THOC2: variants seen among roughly 807,000 people sequenced by gnomAD.
THOC2 encodes THO complex 2.
Under a neutral mutation model 128.4 loss-of-function variants are expected in THOC2, and 10 were observed. That is an observed-to-expected ratio of 0.08 (90% CI 0.05 to 0.13). The LOEUF (loss-of-function observed/expected upper bound fraction) is 0.13. THOC2 is among the 10% of genes least tolerant of loss of function. The pLI is 1.00. For missense variants in THOC2, 535 were observed against 1,155.7 expected, an observed-to-expected ratio of 0.46 and a Z score of 7.79; for synonymous variants, 393 against 396.9, an observed-to-expected ratio of 0.99 and a Z score of 0.12.
intron 20 of THOC2, among the ~76,000 whole-genome samples, chrX:123,633,700 G>A (rs2047568785): frequency 8.9e-6 from 1 of 111,800 alleles, no homozygotes; most frequent in Non-Finnish European, 1.9e-5. Context: ...CACCACGCCC[G>A]GCCTTATTTG....
chrX:123,684,037 T>C (rs1406060033), intron 8 of THOC2, among the ~76,000 whole-genome samples: 2 of 110,396 alleles, frequency 1.8e-5, no homozygotes, highest in African/African-American at 6.6e-5. Flanking sequence ...AAATGGTCGT[T>C]GTCTACAAAA....
chrX:123,667,069 T>C (rs982355252), intron 11 of THOC2, 37 bp downstream of exon 11: 1 of 1,022,301 alleles, frequency 9.8e-7, no homozygotes, highest in Non-Finnish European at 1.3e-6. Context: ...CTAAGCTATT[T>C]CTACCTCAAT....
chrX:123,718,716 G>A (rs907864394), intron 1 of THOC2, among the ~76,000 whole-genome samples: 3 of 108,886 alleles, frequency 2.8e-5, no homozygotes, highest in East Asian at 5.8e-4. Flanking sequence ...CCAAGATCGC[G>A]GCACTGCACT....
intron 12 of THOC2, among the ~76,000 whole-genome samples, chrX:123,651,033 T>G (rs1387996456): frequency 9.0e-6 from 1 of 111,686 alleles, no homozygotes; most frequent in Non-Finnish European, 1.9e-5. Context: ...TCACACTTAT[T>G]CTAAAATTGA....
At chrX:123,624,785 A>G in intron 25 of THOC2, 116 bp from the exon 26 acceptor site, 2 of 665,896 alleles carry the variant, frequency 3.0e-6, no homozygotes, top group Non-Finnish European at 4.3e-6. Context: ...GTCAAAATGT[A>G]TATTCCCTTT....
Position 123,626,082 on chromosome X carries a change from G to A in THOC2, c.2900-13C>T, listed in dbSNP as rs1262409836. The A allele has an allele frequency of 4.3e-6, 5 of 1,156,163 alleles. No homozygotes were observed. Among genetic ancestry groups the A allele is most frequent in the Non-Finnish European group, 5.9e-6 (5 of 850,653 alleles). On this transcript the variant is annotated splice_polypyrimidine_tract_variant and intron_variant, in intron 24 of 38. Coordinates refer to ENST00000245838, the MANE Select transcript of THOC2 (RefSeq NM_001081550.2). Reference sequence around the variant, plus strand: ...TTTTTGGTAGATTCTAAAAATAAAGGAAGAATATATTAAGTGGTAAACTTC... The same window carrying A: ...TTTTTGGTAGATTCTAAAAATAAAGAAAGAATATATTAAGTGGTAAACTTC...
At chrX:123,692,199 G>A (rs1180097385) in intron 7 of THOC2, among the ~76,000 whole-genome samples, 1 of 111,715 alleles carries the variant, frequency 9.0e-6, no homozygotes, top group Non-Finnish European at 1.9e-5. Context: ...GTTTAGTTCA[G>A]CAAACAAAGG....
chrX:123,686,683 C>T lies in THOC2; in HGVS notation c.633G>A (p.Leu211=), dbSNP rs1186886242. The change falls in exon 8 of 39, where the codon TTG becomes TTA. Residue 211 remains leucine, a synonymous_variant. Coordinates refer to ENST00000245838, the MANE Select transcript of THOC2 (RefSeq NM_001081550.2). ...GCFNLDPNRV[L]DVILEVFECR... ...ATTCAAACACTTCTAAAATGACATC[C>T]AAAACTCTATTGGGATCCAGATTAA... is the stretch of plus-strand genomic sequence containing the variant. 8.3e-7 allele frequency: 1 copy of T among 1,197,804 alleles called. No homozygotes were observed. The highest frequency in any genetic ancestry group is 1.1e-6 in the Non-Finnish European group (1 of 888,411).
chrX:123,638,727 TAC>T (rs753366301), intron 17 of THOC2, among the ~76,000 whole-genome samples: 3,537 of 80,977 alleles, frequency 0.044, 46 homozygotes, highest in African/African-American at 0.056. Flanking sequence ...GACACACACG[TAC>T]ACACACACAC....
At chrX:123,675,803 G>A (rs1317829519) in intron 8 of THOC2, among the ~76,000 whole-genome samples, 1 of 111,959 alleles carries the variant, frequency 8.9e-6, no homozygotes, top group Admixed American at 9.5e-5. Flanking sequence ...AACTTTTTTT[G>A]TAAAGTTTGT....
At chrX:123,605,851 T>G (rs2046446566) in intron 38 of THOC2, among the ~76,000 whole-genome samples, 1 of 111,325 alleles carries the variant, frequency 9.0e-6, no homozygotes, top group Admixed American at 9.5e-5. Flanking sequence ...GAGCTGGAAT[T>G]ACAAAATCAA....
chrX:123,665,911 C>CA, intron 11 of THOC2, 74 bp from the exon 12 acceptor site: 1 of 545,709 alleles, frequency 1.8e-6, no homozygotes, highest in Non-Finnish European at 2.5e-6. Flanking sequence ...TACACACACA[C>CA]TACAATATCT....
At chrX:123,693,929 C>T (rs2050336227) in intron 7 of THOC2, among the ~76,000 whole-genome samples, 1 of 111,193 alleles carries the variant, frequency 9.0e-6, no homozygotes, top group African/African-American at 3.3e-5. Flanking sequence ...TGTCCATATA[C>T]CTCATGAGCT....
intron 4 of THOC2, among the ~76,000 whole-genome samples, chrX:123,698,829 C>A (rs1159145095): frequency 2.8e-5 from 3 of 107,567 alleles, no homozygotes; most frequent in Non-Finnish European, 5.8e-5. Context: ...GAGCCGAGAT[C>A]ACGCCACTGC....
At chrX:123,730,385 T>C (rs1161300781) in intron 1 of THOC2, among the ~76,000 whole-genome samples, 1 of 109,819 alleles carries the variant, frequency 9.1e-6, no homozygotes, top group East Asian at 2.9e-4. Context: ...TCCATGTTGG[T>C]CAGGCTTGTC....
At chrX:123,622,121 G>A (rs778531300) in intron 30 of THOC2, among the ~76,000 whole-genome samples, 5 of 111,532 alleles carry the variant, frequency 4.5e-5, no homozygotes, top group East Asian at 2.8e-4. Context: ...TGTATTAGCC[G>A]GGCACGGTGG....
intron 9 of THOC2, among the ~76,000 whole-genome samples, chrX:123,669,093 G>A: frequency 9.2e-6 from 1 of 108,676 alleles, no homozygotes; most frequent in Admixed American, 9.9e-5. Context: ...CATTAACTAG[G>A]TTTAATGTAA....
chrX:123,682,167 C>A (rs767666473), intron 8 of THOC2, among the ~76,000 whole-genome samples: 2 of 112,664 alleles, frequency 1.8e-5, no homozygotes, highest in Non-Finnish European at 3.7e-5. Flanking sequence ...TTTAATATGG[C>A]AACATGTTAA....
Position 123,632,921 on chromosome X carries a change from C to G in THOC2, c.2256G>C (p.Gly752=), listed in dbSNP as rs775431050. The G allele has an allele frequency of 6.6e-6, 8 of 1,209,418 alleles. No individual in the cohort carries two copies. The South Asian group carries it at 1.4e-4, about 21-fold the overall frequency. ...TCTCTCCACCTTCCTGAAAGATTAC[C>G]CCATTTCTCTGCTGAGCCATAAGCA... ...LCLLMAQQRN[G]VIFQEGGEKH... Residue 752 remains glycine (G), a synonymous_variant, in exon 21 of 39, where the codon GGG becomes GGC. Transcript: ENST00000245838.
Sources: gnomAD v4.1 joint callset for allele counts (sites outside exome capture counted in the v4.1 genomes callset) on GRCh38, gnomAD v4.1.1 for gene constraint, MANE v1.5 for transcripts, NCBI Gene and HGNC (gene_info 2026-07-23, HGNC 2026-07-21) for gene names.